RAB3GAP2: variants seen among roughly 807,000 people sequenced by gnomAD.
The protein encoded by RAB3GAP2 is rab3 GTPase-activating protein non-catalytic subunit.
A neutral mutation model predicts 185.3 loss-of-function variants in RAB3GAP2; 87 were observed. The observed-to-expected ratio is 0.47, with a 90% confidence interval of 0.39 to 0.56. RAB3GAP2 has a LOEUF of 0.56. RAB3GAP2 is among the 20% of genes least tolerant of loss of function. RAB3GAP2 has a pLI of 0.00. For synonymous variants in RAB3GAP2, 554 were observed against 576.1 expected (o/e 0.96, Z 0.55); for missense variants, 1,492 against 1,638.2 (o/e 0.91, Z 1.54).
At chr1:220,176,441 A>G (rs1166962430) in intron 21 of RAB3GAP2, among the ~76,000 whole-genome samples, 1 of 152,176 alleles carries the variant, frequency 6.6e-6, no homozygotes, top group East Asian at 1.9e-4. Flanking sequence ...TGAAGCCCAG[A>G]AACAGCCCAG....
chr1:220,251,273 A>C (rs1425860971), intron 1 of RAB3GAP2, among the ~76,000 whole-genome samples: 2 of 152,228 alleles, frequency 1.3e-5, no homozygotes, highest in Non-Finnish European at 2.9e-5. Context: ...TAAGATATTT[A>C]GATTTAGATT....
At chr1:220,261,488 T>C (rs1660136305) in intron 1 of RAB3GAP2, among the ~76,000 whole-genome samples, 1 of 152,214 alleles carries the variant, frequency 6.6e-6, no homozygotes, top group Admixed American at 6.5e-5. Flanking sequence ...CACTTCCACT[T>C]TACCCATCAC....
intron 2 of RAB3GAP2, among the ~76,000 whole-genome samples, chr1:220,218,517 C>G (rs967077615): frequency 6.6e-6 from 1 of 152,066 alleles, no homozygotes; most frequent in African/African-American, 2.4e-5. Context: ...CACATTCTCA[C>G]TCATAGATGG....
At chr1:220,159,949 A>G (rs1657934478) in intron 28 of RAB3GAP2, among the ~76,000 whole-genome samples, 1 of 151,912 alleles carries the variant, frequency 6.6e-6, no homozygotes, top group South Asian at 2.1e-4. Context: ...CTCAGGAGGT[A>G]GAGGTTGCGG....
chr1:220,206,600 CCACA>C, intron 7 of RAB3GAP2, among the ~76,000 whole-genome samples: 2 of 152,312 alleles, frequency 1.3e-5, no homozygotes, highest in Non-Finnish European at 2.9e-5. Flanking sequence ...AATCCATGCT[CCACA>C]CAGCCAGTGT....
chr1:220,214,339 C>T (rs187129240), intron 2 of RAB3GAP2, among the ~76,000 whole-genome samples: 100 of 152,130 alleles, frequency 6.6e-4, no homozygotes, highest in African/African-American at 2.3e-3. Context: ...CAGCCTGGCC[C>T]ACATGGTGAA....
chr1:220,188,783 C>T (rs952931680), intron 17 of RAB3GAP2, among the ~76,000 whole-genome samples: 17 of 152,122 alleles, frequency 1.1e-4, no homozygotes, highest in Non-Finnish European at 2.4e-4. Flanking sequence ...CTGGAAACAA[C>T]CTAACCGTTC....
At chr1:220,152,033 A>G (rs1657766680) in intron 33 of RAB3GAP2, among the ~76,000 whole-genome samples, 1 of 152,136 alleles carries the variant, frequency 6.6e-6, no homozygotes, top group African/African-American at 2.4e-5. Context: ...TTTGGCAAAT[A>G]AAAGGAGTTT....
intron 1 of RAB3GAP2, among the ~76,000 whole-genome samples, chr1:220,245,117 T>C (rs1169029359): frequency 1.4e-5 from 2 of 143,524 alleles, no homozygotes; most frequent in Non-Finnish European, 3.0e-5. Context: ...CTCAAACAAA[T>C]CAGCAAGAAA....
intron 27 of RAB3GAP2, among the ~76,000 whole-genome samples, chr1:220,163,286 A>C (rs1657996988): frequency 6.6e-6 from 1 of 152,162 alleles, no homozygotes; most frequent in African/African-American, 2.4e-5. Flanking sequence ...GAAGCCAGGA[A>C]CCCTACTCGA....
rs1428989959 is a variant in RAB3GAP2, at chr1:220,148,694, G to GTGTT, written c.*2553_*2556dup. 6.6e-6 allele frequency: 1 copy of GTGTT among 152,112 alleles called. No homozygotes were observed. The highest frequency in any genetic ancestry group is 1.5e-5 in the Non-Finnish European group (1 of 67,992). The allele number at this position is 152,112 out of a possible 1,614,324, so 9.4% of individuals were successfully genotyped here. On this transcript the variant is annotated 3_prime_UTR_variant, in exon 35 of 35. Coordinates refer to ENST00000358951, the MANE Select transcript of RAB3GAP2 (RefSeq NM_012414.4). ...TTTAAAAAGCAATTTAAATGTAACA[G>GTGTT]TGTTTACTTTGACCATAGATGAAGT...
At chr1:220,171,805 C>G in intron 23 of RAB3GAP2, 84 bp downstream of exon 23, 1 of 1,530,814 alleles carries the variant, frequency 6.5e-7, no homozygotes, top group South Asian at 1.1e-5. Flanking sequence ...CTCCAAAAAA[C>G]CCCCCGAAAA....
chr1:220,242,461 C>A (rs546400914), intron 1 of RAB3GAP2, among the ~76,000 whole-genome samples: 34 of 145,674 alleles, frequency 2.3e-4, no homozygotes, highest in African/African-American at 8.3e-4. Flanking sequence ...CTGATATTAC[C>A]AAAAAAAAAA....
At chr1:220,221,008 G>T (rs1027298311) in intron 2 of RAB3GAP2, among the ~76,000 whole-genome samples, 2 of 152,160 alleles carry the variant, frequency 1.3e-5, no homozygotes, top group Admixed American at 6.5e-5. Context: ...GCTGGGCTAG[G>T]TGCACCATTA....
chr1:220,254,169 CA>C, intron 1 of RAB3GAP2: 1 of 1,613,616 alleles, frequency 6.2e-7, no homozygotes, highest in East Asian at 2.2e-5. Context: ...ATGCAAATTA[CA>C]AGAAATCTCG....
At chr1:220,188,132 G>A (rs1276381492) in intron 17 of RAB3GAP2, among the ~76,000 whole-genome samples, 1 of 151,026 alleles carries the variant, frequency 6.6e-6, no homozygotes, top group East Asian at 1.9e-4. Flanking sequence ...TACATCTAGT[G>A]GCAGAAGTGT....
intron 1 of RAB3GAP2, among the ~76,000 whole-genome samples, chr1:220,243,447 C>A (rs935824166): frequency 6.6e-6 from 1 of 151,928 alleles, no homozygotes; most frequent in African/African-American, 2.4e-5. Context: ...GAGGTATGTA[C>A]TACTGTTACT....
chr1:220,171,040 CCAGTACT>C lies in RAB3GAP2; in HGVS notation c.2651_2657del (p.Glu884GlyfsTer5). 6.2e-7 allele frequency: 1 copy of C among 1,614,134 alleles called. No homozygotes were observed. Among genetic ancestry groups the C allele is most frequent in the Admixed American group, 1.7e-5 (1 of 60,012 alleles). ...CCTCCAGCTGTTTCAGAAGGAGTTTCCAGTACTCAGTGTCAAGAGAAAGTGCCTCCCA... is the reference window on the plus strand; with the variant it reads ...CCTCCAGCTGTTTCAGAAGGAGTTTCCAGTGTCAAGAGAAAGTGCCTCCCA... On this transcript the variant is annotated frameshift_variant, in exon 24 of 35. Coordinates refer to ENST00000358951, the MANE Select transcript of RAB3GAP2 (RefSeq NM_012414.4). LOFTEE classifies it high-confidence loss of function.
chr1:220,272,208 CAG>C lies in RAB3GAP2; in HGVS notation c.115+13_115+14del. ...GTGACGAGGGAAGGAAGGGCGAGGC[CAG>C]AGAGGCACTTACTGGGGTCCCTCCG... is the stretch of plus-strand genomic sequence containing the variant. On this transcript the variant is annotated intron_variant, in intron 1 of 34. Coordinates refer to ENST00000358951, the MANE Select transcript of RAB3GAP2 (RefSeq NM_012414.4). 2 of 1,587,446 alleles carry C rather than the reference CAG, an allele frequency of 1.3e-6. No homozygotes were observed. The highest frequency in any genetic ancestry group is 1.1e-5 in the South Asian group (1 of 87,280).
Sources: allele counts gnomAD v4.1 joint callset (sites outside exome capture counted in the v4.1 genomes callset), GRCh38; gene constraint gnomAD v4.1.1; transcripts MANE v1.5; gene names NCBI Gene and HGNC (gene_info 2026-07-23, HGNC 2026-07-21).